Variants in NAV1 observed in about 807,000 individuals in gnomAD.
NAV1 encodes neuron navigator 1.
NAV1 carries 18 observed loss-of-function variants against 175.2 expected under a neutral mutation model. The observed-to-expected ratio is 0.10, with a 90% CI of 0.07 to 0.15. NAV1 has a LOEUF of 0.15. Among genes scored for constraint, NAV1 ranks in the 10% least tolerant of loss-of-function variants. NAV1 has a pLI of 1.00. For missense variants in NAV1, 1,731 were observed against 2,436.6 expected (o/e 0.71, Z 6.10); for synonymous variants, 897 against 978.7 (o/e 0.92, Z 1.56).
At chr1:201,817,380 A>C (rs1679107769) in intron 29 of NAV1, 95 bp downstream of exon 33, 36 of 1,173,762 alleles carry the variant, frequency 3.1e-5, no homozygotes, top group Non-Finnish European at 4.0e-5. Context: ...CAGCACTTTG[A>C]GAGGCTGAGG....
intron 1 of NAV1, among the ~76,000 whole-genome samples, chr1:201,684,282 A>C (rs1558064143): frequency 6.6e-6 from 1 of 152,046 alleles, no homozygotes; most frequent in East Asian, 1.9e-4. Flanking sequence ...TATTGCTATC[A>C]CTGTGGTGCA....
chr1:201,807,938 T>C lies in NAV1; in HGVS notation c.3649-15T>C. ...GAGTCCTAATGTCCCTCTACCTGGATCTGCTTTTTTCTAGCTTCGAAGTTC... is the reference window on the plus strand; with the variant it reads ...GAGTCCTAATGTCCCTCTACCTGGACCTGCTTTTTTCTAGCTTCGAAGTTC... On this transcript the variant is annotated splice_polypyrimidine_tract_variant and intron_variant, in intron 17 of 29. Coordinates refer to ENST00000367296, the Ensembl canonical transcript of NAV1. The surrounding 1 kb of genome is among the most constrained non-coding windows in gnomAD (Gnocchi z 5.4). 1 of 1,614,050 alleles carries C rather than the reference T, an allele frequency of 6.2e-7. No individual in the cohort carries two copies. The highest frequency in any genetic ancestry group is 8.5e-7 in the Non-Finnish European group (1 of 1,179,952).
At chr1:201,738,309 T>G (rs762542607) in intron 3 of NAV1, among the ~76,000 whole-genome samples, 3 of 152,050 alleles carry the variant, frequency 2.0e-5, no homozygotes, top group Non-Finnish European at 4.4e-5. Flanking sequence ...TTTGGAAAAC[T>G]TGGCCACAAT....
At chr1:201,604,340 G>A (rs922763303) in intron 2 of NAV1, among the ~76,000 whole-genome samples, 2 of 152,188 alleles carry the variant, frequency 1.3e-5, no homozygotes, top group East Asian at 1.9e-4. Context: ...ACAGGTGTGA[G>A]CCACCGTGCC....
At chr1:201,608,759 C>T (rs964729577) in intron 2 of NAV1, among the ~76,000 whole-genome samples, 4 of 152,136 alleles carry the variant, frequency 2.6e-5, no homozygotes, top group South Asian at 2.1e-4. Context: ...TGCAGCCTGG[C>T]GCTGGGACCT....
chr1:201,722,615 C>T (rs1021689267), intron 3 of NAV1, among the ~76,000 whole-genome samples: 3 of 151,894 alleles, frequency 2.0e-5, no homozygotes, highest in Non-Finnish European at 4.4e-5. Flanking sequence ...GGGTATATAC[C>T]TGGAAATGGA....
intron 1 of NAV1, among the ~76,000 whole-genome samples, chr1:201,651,122 C>CGTGTGTGTGTGTGTGT (rs60462710): frequency 0.076 from 9,782 of 128,928 alleles, 721 homozygotes; most frequent in Non-Finnish European, 0.1. Context: ...AGGAAGGGAC[C>CGTGTGTGTGTGTGTGT]GTGTGTGTGT....
Position 201,812,757 on chromosome 1 carries a change from G to C in NAV1, c.5221+96G>C. 2.7e-6 allele frequency: 3 copies of C among 1,130,468 alleles called. No homozygotes were observed. Among genetic ancestry groups the C allele is most frequent in the Non-Finnish European group, 3.9e-6 (3 of 774,324 alleles). 70.0% of individuals were successfully genotyped at this position (1,130,468 alleles called of 1,614,324 possible). ...GCTCCCTTCTCTTCCTGGAGTCTTC[G>C]GCATGTAAAGGAGCTGCAAGCCTTG... On this transcript the variant is annotated intron_variant, in intron 27 of 29. Transcript: ENST00000367296. This position sits in a 1 kb window ranked among gnomAD's most constrained non-coding sequence, Gnocchi z 4.6.
At chr1:201,673,864 A>G (rs1670143736) in intron 1 of NAV1, 1 of 152,426 alleles carries the variant, frequency 6.6e-6, no homozygotes, top group South Asian at 2.1e-4. Flanking sequence ...GAAGCCAGGT[A>G]GAGTTAGGGA....
intron 1 of NAV1, among the ~76,000 whole-genome samples, chr1:201,655,372 C>G (rs1003578698): frequency 7.2e-4 from 110 of 152,372 alleles, no homozygotes; most frequent in African/African-American, 2.5e-3. Flanking sequence ...GACCTCCCCC[C>G]ACACCCTGTT....
chr1:201,780,338 C>A, intron 3 of NAV1, 83 bp from the exon 8 acceptor site: 1 of 1,540,252 alleles, frequency 6.5e-7, no homozygotes, highest in African/African-American at 1.4e-5. Flanking sequence ...TGGTGCAGAG[C>A]CATTCTTGCA....
Position 201,785,502 on chromosome 1 carries a change from G to C in NAV1, c.2846+151G>C, listed in dbSNP as rs1676675967. 16 of 798,752 alleles carry C rather than the reference G, an allele frequency of 2.0e-5. No individual in the cohort carries two copies. The South Asian group carries it at 2.2e-4, about 11-fold the overall frequency. 49.5% of individuals were successfully genotyped at this position (798,752 alleles called of 1,614,324 possible). ...TGTGGTCCCATACAAGTACCACCTA[G>C]TACCTTGCCCAAGCTTAATATTATG... On this transcript the variant is annotated intron_variant, in intron 8 of 29. Transcript: ENST00000367296.
At chr1:201,603,247 A>C (rs1188396241) in intron 2 of NAV1, among the ~76,000 whole-genome samples, 1 of 152,192 alleles carries the variant, frequency 6.6e-6, no homozygotes, top group Non-Finnish European at 1.5e-5. Context: ...CCTGGGAGGC[A>C]TCCAGTATTT....
At chr1:201,624,587 C>T (rs1668276171) in intron 1 of NAV1, among the ~76,000 whole-genome samples, 2 of 151,856 alleles carry the variant, frequency 1.3e-5, no homozygotes, top group Admixed American at 1.3e-4. Flanking sequence ...ACCTCGTGAT[C>T]CGCCCACCTC....
intron 3 of NAV1, among the ~76,000 whole-genome samples, chr1:201,731,013 G>A (rs900386506): frequency 6.6e-6 from 1 of 152,154 alleles, no homozygotes; most frequent in Non-Finnish European, 1.5e-5. Context: ...ACAAGCACAG[G>A]AAAAGGCATA....
At chr1:201,708,760 C>A (rs1266778147) in intron 1 of NAV1, among the ~76,000 whole-genome samples, 1 of 152,140 alleles carries the variant, frequency 6.6e-6, no homozygotes, top group Non-Finnish European at 1.5e-5. Flanking sequence ...CATGTCTGGG[C>A]TCTGTTTTGT....
At chr1:201,747,921 C>G (rs865863970) in intron 3 of NAV1, among the ~76,000 whole-genome samples, 2 of 152,214 alleles carry the variant, frequency 1.3e-5, no homozygotes, top group African/African-American at 4.8e-5. Context: ...GATCCTTCTT[C>G]CAGAACCCAG....
chr1:201,710,593 G>A (rs1353862796), intron 1 of NAV1, among the ~76,000 whole-genome samples: 2 of 152,158 alleles, frequency 1.3e-5, no homozygotes, highest in Admixed American at 6.5e-5. Flanking sequence ...CAGCCTAAGC[G>A]CCTCCTATAC....
intron 1 of NAV1, among the ~76,000 whole-genome samples, chr1:201,665,581 G>GAGCCGTAGGTGGGCAGAT (rs373539469): frequency 6.9e-6 from 1 of 143,974 alleles, no homozygotes; most frequent in African/African-American, 2.6e-5. Flanking sequence ...GTGAGGGCAA[G>GAGCCGTAGGTGGGCAGAT]AGCACCCCAC....
Sources: allele counts gnomAD v4.1 joint callset (sites outside exome capture counted in the v4.1 genomes callset), GRCh38; gene constraint gnomAD v4.1.1; non-coding constraint Gnocchi (gnomAD v3.1); transcripts MANE v1.5; gene names NCBI Gene and HGNC (gene_info 2026-07-23, HGNC 2026-07-21).